ADAP1: variants seen among roughly 807,000 people sequenced by gnomAD.
ADAP1 encodes arf-GAP with dual PH domain-containing protein 1.
ADAP1 carries 31 observed loss-of-function variants against 54.9 expected under a neutral mutation model. The observed-to-expected ratio is 0.56, with a 90% CI of 0.42 to 0.76. The LOEUF (loss-of-function observed/expected upper bound fraction) is 0.76. ADAP1 is among the 30% of genes least tolerant of loss of function. The probability of loss-of-function intolerance (pLI) is 0.00; values close to 1 mark genes in which losing one functional copy is unlikely to be tolerated. For synonymous variants in ADAP1, 313 were observed against 202.6 expected (o/e 1.55, Z -4.63); for missense variants, 535 against 512.4 (o/e 1.04, Z -0.42).
chr7:947,842 C>T (rs896257482), intron 1 of ADAP1, among the ~76,000 whole-genome samples: 3 of 152,100 alleles, frequency 2.0e-5, no homozygotes, highest in Non-Finnish European at 2.9e-5. Flanking sequence ...AGAGTCACAG[C>T]GCAGCCCTCA....
At chr7:917,847 T>C (rs1054400346) in intron 4 of ADAP1, among the ~76,000 whole-genome samples, 9 of 151,888 alleles carry the variant, frequency 5.9e-5, no homozygotes, top group Non-Finnish European at 1.3e-4. Flanking sequence ...CTTGGCTCAC[T>C]GCAGCCTCCG....
At chr7:933,066 G>T (rs1265151280) in intron 2 of ADAP1, among the ~76,000 whole-genome samples, 2 of 152,106 alleles carry the variant, frequency 1.3e-5, no homozygotes, top group African/African-American at 4.8e-5. Flanking sequence ...GCGGTCAGGA[G>T]TTCAAGACCA....
intron 1 of ADAP1, among the ~76,000 whole-genome samples, chr7:951,466 C>T (rs1008778486): frequency 3.9e-5 from 6 of 152,054 alleles, no homozygotes; most frequent in Admixed American, 1.3e-4. Flanking sequence ...CAGCCTTCTT[C>T]CCACCCTCAC....
chr7:913,193 C>A (rs1333901786), intron 4 of ADAP1, among the ~76,000 whole-genome samples: 17 of 130,218 alleles, frequency 1.3e-4, no homozygotes, highest in Non-Finnish European at 2.7e-4. Context: ...GGCCTCCTCC[C>A]CTTCCTTTTT....
Position 953,577 on chromosome 7 carries a change from T to A in ADAP1, c.82+819A>T, listed in dbSNP as rs374727573. On this transcript the variant is annotated intron_variant, in intron 1 of 10. Coordinates refer to ENST00000265846, the MANE Select transcript of ADAP1 (RefSeq NM_006869.4). ...CCCCAGATTCCTGGTGTGCCTGGGG[T>A]GGCGGGACTGCTCCGGCGGGGCCCT... 2.7e-4 allele frequency among the ~76,000 whole-genome samples: 41 copies of A among 152,246 alleles called. No homozygotes were observed. The East Asian group carries it at 5.8e-3, about 22-fold the overall frequency.
Position 931,949 on chromosome 7 carries a change from G to A in ADAP1, c.213+3426C>T, listed in dbSNP as rs559638717. 4.6e-5 allele frequency among the ~76,000 whole-genome samples: 7 copies of A among 152,290 alleles called. No homozygotes were observed. The East Asian group carries it at 1.4e-3, about 29-fold the overall frequency. On this transcript the variant is annotated intron_variant, in intron 2 of 10. Transcript: ENST00000265846. The stretch of plus-strand genomic sequence containing the variant: ...CCCCGCTGACCACCAGCCCAGGAAT[G>A]GCCAAGGGGCCTGAGTGCAGGGAGC...
intron 4 of ADAP1, among the ~76,000 whole-genome samples, chr7:908,448 A>AGCTCCCC (rs1314903663): frequency 6.6e-6 from 1 of 151,956 alleles, no homozygotes; most frequent in Non-Finnish European, 1.5e-5. Context: ...CACTGCCCGG[A>AGCTCCCC]GCTCCCCGCT....
chr7:935,742 C>A lies in ADAP1; in HGVS notation c.83-237G>T, dbSNP rs562700104. Among the ~76,000 whole-genome samples the A allele has an allele frequency of 3.2e-3, 494 of 152,150 alleles. 5 individuals are homozygous for A. Among genetic ancestry groups the A allele is most frequent in the African/African-American group, 0.01 (424 of 41,552 alleles). On this transcript the variant is annotated intron_variant, in intron 1 of 10. Coordinates refer to ENST00000265846, the MANE Select transcript of ADAP1 (RefSeq NM_006869.4). ...CCCCACGGCATCTGAGGAAGCCGAT[C>A]TGCATGCACCTGCTCTGCCCCGCGG...
intron 1 of ADAP1, among the ~76,000 whole-genome samples, chr7:935,903 C>G (rs1468789632): frequency 2.6e-5 from 4 of 152,222 alleles, no homozygotes; most frequent in Non-Finnish European, 2.9e-5. Context: ...GGGCCCGAAT[C>G]CTCCTGGGTG....
Position 905,167 on chromosome 7 carries a change from G to A in ADAP1, c.394C>T (p.Arg132Cys), listed in dbSNP as rs145005339. ...EKQEPYSAGY[R>C]EGFLWKRGRD... ...CCACGCTTCCAGAGAAAACCCTCAC[G>A]GTACCCTGTGGGGGAAAGGGGACAC... The change falls in exon 5 of 11, where the codon CGT (arginine) becomes TGT (cysteine). Residue 132 changes from arginine to cysteine, a missense_variant. Physicochemically the swap from Arg to Cys is radical, Grantham distance 180. Coordinates refer to ENST00000265846, the MANE Select transcript of ADAP1 (RefSeq NM_006869.4). 63 of 1,610,996 alleles carry A rather than the reference G, an allele frequency of 3.9e-5. No homozygotes were observed. The highest frequency in any genetic ancestry group is 1.1e-4 in the East Asian group (5 of 44,878).
chr7:928,230 A>G (rs926722679), intron 2 of ADAP1, among the ~76,000 whole-genome samples: 2 of 151,612 alleles, frequency 1.3e-5, no homozygotes, highest in Admixed American at 6.6e-5. Flanking sequence ...CACTGGACAC[A>G]GCGGCTCACA....
At chr7:910,181 T>C (rs1375293330) in intron 4 of ADAP1, among the ~76,000 whole-genome samples, 2 of 151,824 alleles carry the variant, frequency 1.3e-5, no homozygotes, top group East Asian at 3.9e-4. Context: ...TCCACCACAG[T>C]GAAGCGCGCA....
intron 4 of ADAP1, among the ~76,000 whole-genome samples, chr7:918,708 C>T (rs1035642000): frequency 2.6e-5 from 4 of 152,188 alleles, no homozygotes; most frequent in Non-Finnish European, 2.9e-5. Context: ...GGCTTGCCTC[C>T]GTTTCCCTGT....
At chr7:943,220 GA>G (rs1847021872) in intron 1 of ADAP1, among the ~76,000 whole-genome samples, 2 of 25,890 alleles carry the variant, frequency 7.7e-5, no homozygotes, top group African/African-American at 2.1e-4. Context: ...GGAGGAGGAA[GA>G]GAGAGGAGGA....
chr7:900,003 T>C (rs766870376), intron 8 of ADAP1, 99 bp downstream of exon 8: 15 of 1,452,460 alleles, frequency 1.0e-5, no homozygotes, highest in South Asian at 2.4e-5. Context: ...GACACCAGTT[T>C]AAAACACAGG....
At chr7:931,764 A>G (rs1056564866) in intron 2 of ADAP1, among the ~76,000 whole-genome samples, 1 of 119,300 alleles carries the variant, frequency 8.4e-6, no homozygotes, top group African/African-American at 3.2e-5. Context: ...AAGGAATAGA[A>G]AGTAGGGAGA....
intron 1 of ADAP1, among the ~76,000 whole-genome samples, chr7:954,176 G>GC (rs907393883): frequency 3.3e-5 from 5 of 151,264 alleles, no homozygotes; most frequent in African/African-American, 4.8e-5. Flanking sequence ...CCTGGGGGGG[G>GC]CCCCCCCGCT....
intron 4 of ADAP1, among the ~76,000 whole-genome samples, chr7:917,715 G>T (rs1002771217): frequency 2.6e-5 from 4 of 152,100 alleles, no homozygotes; most frequent in African/African-American, 7.2e-5. Flanking sequence ...CCATCCGCCC[G>T]CCTAGGCCTC....
intron 1 of ADAP1, among the ~76,000 whole-genome samples, chr7:949,105 C>T (rs1184299252): frequency 6.6e-6 from 1 of 152,250 alleles, no homozygotes; most frequent in African/African-American, 2.4e-5. Context: ...GAGTGAAGGG[C>T]TGGTCTGGTC....
Sources: allele counts gnomAD v4.1 joint callset (sites outside exome capture counted in the v4.1 genomes callset), GRCh38; gene constraint gnomAD v4.1.1; transcripts MANE v1.5; gene names NCBI Gene and HGNC (gene_info 2026-07-23, HGNC 2026-07-21).